Variants in LRRD1 observed in about 807,000 individuals in gnomAD.
LRRD1 encodes leucine-rich repeat and death domain-containing protein 1.
LRRD1 carries 49 observed loss-of-function variants against 69.5 expected under a neutral mutation model. The ratio of observed to expected loss-of-function variants is 0.70; its 90% CI spans 0.56 to 0.89. The LOEUF (loss-of-function observed/expected upper bound fraction) is 0.89, where lower values mean the gene tolerates loss of function less well. LRRD1 is among the 40% of genes least tolerant of loss of function. The probability of loss-of-function intolerance (pLI) is 0.00; values close to 1 mark genes in which losing one functional copy is unlikely to be tolerated. For missense variants in LRRD1, 853 were observed against 956.0 expected (o/e 0.89, Z 1.42); for synonymous variants, 303 against 338.9 (o/e 0.89, Z 1.16).
intron 2 of LRRD1, among the ~76,000 whole-genome samples, chr7:92,160,789 A>G (rs1563191682): frequency 6.6e-6 from 1 of 152,210 alleles, no homozygotes; most frequent in Non-Finnish European, 1.5e-5. Context: ...CTCCAGCCTG[A>G]GCGACAGAGT....
chr7:92,146,716 T>C lies in LRRD1; in HGVS notation c.2279-516A>G, dbSNP rs997778442. On this transcript the variant is annotated intron_variant, in intron 4 of 5. Transcript: ENST00000458448. ...CGGGTGGATCACCTGAGGTCGGGAG[T>C]TCGAGATCAGCCTGACCAACATGAA... is the stretch of plus-strand genomic sequence containing the variant. 7.3e-5 allele frequency among the ~76,000 whole-genome samples: 11 copies of C among 150,186 alleles called. No homozygotes were observed. The East Asian group carries it at 7.9e-4, about 11-fold the overall frequency.
downstream of LRRD1, chr7:92,142,337 G>T (rs561889891): frequency 2.1e-4 from 84 of 401,636 alleles, no homozygotes; most frequent in Admixed American, 1.0e-3. Context: ...AGTAAAAAGT[G>T]CAGAAGTATG....
At chr7:92,176,457 C>T (rs1789199286) in intron 1 of LRRD1, among the ~76,000 whole-genome samples, 1 of 152,008 alleles carries the variant, frequency 6.6e-6, no homozygotes, top group African/African-American at 2.4e-5. Context: ...TGTCTTATTG[C>T]ATTTTTTAAC....
At chr7:92,174,501 A>ATATATATATATG (rs1789135529) in intron 1 of LRRD1, among the ~76,000 whole-genome samples, 3 of 20,038 alleles carry the variant, frequency 1.5e-4, no homozygotes, top group Non-Finnish European at 2.1e-4. Flanking sequence ...ATATATATAT[A>ATATATATATATG]TATATATATT....
chr7:92,164,649 C>T lies in LRRD1; in HGVS notation c.554G>A (p.Gly185Asp). The change falls in exon 2 of 6, where the codon GGT becomes GAT. Residue 185 changes from glycine to aspartate, a missense_variant. Coordinates refer to ENST00000458448, the MANE Select transcript of LRRD1 (RefSeq NM_001161528.2). ...QIKTFQGADS[G>D]DLLGLEILSL... Reference sequence around the variant, plus strand: ...TAGAATTTCAAGTCCTAACAGATCACCTGAGTCTGCCCCTTGAAATGTTTT... The same window carrying T: ...TAGAATTTCAAGTCCTAACAGATCATCTGAGTCTGCCCCTTGAAATGTTTT... 1 of 1,551,746 alleles carries T rather than the reference C, an allele frequency of 6.4e-7. No individual in the cohort carries two copies. The highest frequency in any genetic ancestry group is 8.7e-7 in the Non-Finnish European group (1 of 1,146,900).
At chr7:92,177,822 T>C (rs1378465813) in intron 1 of LRRD1, among the ~76,000 whole-genome samples, 3 of 152,210 alleles carry the variant, frequency 2.0e-5, no homozygotes, top group African/African-American at 4.8e-5. Context: ...CTGACTATAT[T>C]TGATGATACA....
chr7:92,148,567 T>C (rs890417596), intron 4 of LRRD1, among the ~76,000 whole-genome samples: 2 of 152,260 alleles, frequency 1.3e-5, no homozygotes, highest in African/African-American at 2.4e-5. Flanking sequence ...TCTCCCATAC[T>C]GATTTCTTTC....
At chr7:92,163,166 A>G (rs1788824225) in intron 2 of LRRD1, 120 bp downstream of exon 2, 1 of 602,224 alleles carries the variant, frequency 1.7e-6, no homozygotes, top group Non-Finnish European at 2.5e-6. Flanking sequence ...TCATTTAAAA[A>G]ACAAAATATT....
intron 1 of LRRD1, among the ~76,000 whole-genome samples, chr7:92,170,018 C>G (rs1584662174): frequency 6.7e-6 from 1 of 149,550 alleles, no homozygotes; most frequent in African/African-American, 2.5e-5. Flanking sequence ...TGCAGTTAAG[C>G]TGAGCCAAGA....
At chr7:92,154,062 T>C (rs1438618197) in intron 3 of LRRD1, among the ~76,000 whole-genome samples, 1 of 152,066 alleles carries the variant, frequency 6.6e-6, no homozygotes, top group Non-Finnish European at 1.5e-5. Flanking sequence ...GGTCTCGAAC[T>C]CCTGACCTCA....
intron 1 of LRRD1, among the ~76,000 whole-genome samples, chr7:92,173,264 C>T (rs1169477323): frequency 6.6e-6 from 1 of 152,188 alleles, no homozygotes; most frequent in Non-Finnish European, 1.5e-5. Context: ...ATTGGGGAAA[C>T]ACTTCAGTAC....
chr7:92,165,017 C>T lies in LRRD1; in HGVS notation c.186G>A (p.Gln62=). 1.3e-6 allele frequency: 2 copies of T among 1,551,292 alleles called. No individual in the cohort carries two copies. Among genetic ancestry groups the T allele is most frequent in the Non-Finnish European group, 1.7e-6 (2 of 1,146,860 alleles). ...SNQIYETHPR[Q]NTLESTSSSG... is the part of the protein sequence containing the mutation. ...AGGAAGATGTTGACTCTAATGTATT[C>T]TGTCTAGGATGTGTTTCATAAATCT... Residue 62 remains glutamine, a synonymous_variant, in exon 2 of 6, where the codon CAG becomes CAA. Coordinates refer to ENST00000458448, the MANE Select transcript of LRRD1 (RefSeq NM_001161528.2).
chr7:92,165,261 G>T lies in LRRD1; in HGVS notation c.-59C>A. ...ATTGTAACTTGATTTTAATTTTCAT[G>T]TTTTTTCCTTTGAATCTACAAAACA... On this transcript the variant is annotated 5_prime_UTR_variant, in exon 2 of 6. Transcript: ENST00000458448. 9.5e-7 allele frequency: 1 copy of T among 1,048,178 alleles called. No homozygotes were observed. The highest frequency in any genetic ancestry group is 1.3e-6 in the Non-Finnish European group (1 of 781,746). 64.9% of individuals were successfully genotyped at this position (1,048,178 alleles called of 1,614,324 possible). A position where few individuals can be genotyped will look rare whatever the true frequency, so the allele number is the denominator to read the frequency against.
intron 2 of LRRD1, among the ~76,000 whole-genome samples, chr7:92,162,795 G>A (rs1209941466): frequency 6.6e-6 from 1 of 151,916 alleles, no homozygotes; most frequent in East Asian, 1.9e-4. Context: ...ATGCTTATTG[G>A]TTAAAAAAAG....
downstream of LRRD1, chr7:92,141,711 A>C (rs1457866693): frequency 6.6e-6 from 1 of 152,206 alleles, no homozygotes; most frequent in African/African-American, 2.4e-5. Flanking sequence ...CATTAACAAC[A>C]ACCATCATTA....
At chr7:92,168,548 C>G (rs1305038827) in intron 1 of LRRD1, among the ~76,000 whole-genome samples, 1 of 151,996 alleles carries the variant, frequency 6.6e-6, no homozygotes, top group Non-Finnish European at 1.5e-5. Context: ...CCAAGATATC[C>G]CCTTTGGGAT....
intron 2 of LRRD1, among the ~76,000 whole-genome samples, chr7:92,163,082 A>T (rs1199992555): frequency 1.3e-5 from 2 of 152,228 alleles, no homozygotes; most frequent in Admixed American, 1.3e-4. Context: ...CATTTTAATG[A>T]AGTATTTTCC....
chr7:92,147,190 C>T (rs558377510), intron 4 of LRRD1, among the ~76,000 whole-genome samples: 16 of 151,902 alleles, frequency 1.1e-4, no homozygotes, highest in Admixed American at 2.6e-4. Context: ...CCTCAGCCTC[C>T]CGAGTAGCTG....
chr7:92,164,545 G>A lies in LRRD1; in HGVS notation c.658C>T (p.His220Tyr). ...TTAGGTATATGTGATATGTGGTTAT[G>A]ACTGACATTTAATATCCTTAAATTA... Reference protein sequence around the residue: ...LHNLRILNVSHNHISHIPKEI... With the variant: ...LHNLRILNVSYNHISHIPKEI... Residue 220 changes from histidine (H) to tyrosine (Y), a missense_variant, in exon 2 of 6, where the codon CAT (histidine) becomes TAT (tyrosine). His to Tyr is a moderately conservative substitution (Grantham distance 83). Transcript: ENST00000458448. 6.4e-7 allele frequency: 1 copy of A among 1,550,530 alleles called. No individual in the cohort carries two copies. Among genetic ancestry groups the A allele is most frequent in the Non-Finnish European group, 8.7e-7 (1 of 1,146,128 alleles).
Sources: gnomAD v4.1 joint callset for allele counts (sites outside exome capture counted in the v4.1 genomes callset) on GRCh38, gnomAD v4.1.1 for gene constraint, MANE v1.5 for transcripts, NCBI Gene and HGNC (gene_info 2026-07-23, HGNC 2026-07-21) for gene names.